The following ZIM2 variants were observed in gnomAD, a reference collection of about 807,000 sequenced individuals.
ZIM2 encodes zinc finger protein 656.
In ZIM2, 14 loss-of-function variants were observed where a neutral mutation model predicts 38.6. That is an observed-to-expected ratio of 0.36 (90% CI 0.24 to 0.57). ZIM2 has a LOEUF of 0.57. ZIM2 is among the 20% of genes least tolerant of loss of function. ZIM2 has a pLI of 0.81. For synonymous variants in ZIM2, 247 were observed against 245.8 expected, an observed-to-expected ratio of 1.00 and a Z score of -0.04; for missense variants, 680 against 695.1, an observed-to-expected ratio of 0.98 and a Z score of 0.24.
intron 9 of ZIM2, chr19:56,811,008 T>C (rs1037955611): frequency 3.2e-5 from 31 of 976,024 alleles, no homozygotes; most frequent in Non-Finnish European, 3.5e-5. Context: ...TGAATATACA[T>C]TTTGACACAG....
At chr19:56,807,110 T>C (rs565347107) in intron 9 of ZIM2, among the ~76,000 whole-genome samples, 6 of 152,314 alleles carry the variant, frequency 3.9e-5, no homozygotes, top group East Asian at 1.9e-4. Context: ...CCATCAATTA[T>C]TGAATGAATT....
chr19:56,810,454 C>T lies in ZIM2; in HGVS notation c.490+7292G>A, dbSNP rs913412120. ...CATTTATGCATACTTATCACTAACA[C>T]CCTAATAATCACAGACTAGTGCACA... On this transcript the variant is annotated intron_variant, in intron 9 of 12. Coordinates refer to ENST00000629319, the MANE Select transcript of ZIM2 (RefSeq NM_001387356.1). 45 of 984,288 alleles carry T rather than the reference C, an allele frequency of 4.6e-5. No homozygotes were observed. The African/African-American group carries it at 7.7e-4, about 17-fold the overall frequency. The allele number at this position is 984,288 out of a possible 1,614,324, so 61.0% of individuals were successfully genotyped here.
rs374619574 is a variant in ZIM2, at chr19:56,801,937, A to T, written c.491-11986T>A. The stretch of plus-strand genomic sequence containing the variant: ...CAGCTGGATAACTCACAGGATACCT[A>T]TCCATAAAGTACCACAGCTGAAGAG... On this transcript the variant is annotated intron_variant, in intron 9 of 12. Coordinates refer to ENST00000629319, the MANE Select transcript of ZIM2 (RefSeq NM_001387356.1). 1.3e-3 allele frequency among the ~76,000 whole-genome samples: 198 copies of T among 152,304 alleles called. 2 individuals are homozygous for T. The highest frequency in any genetic ancestry group is 4.3e-3 in the African/African-American group (177 of 41,564).
chr19:56,782,510 A>G (rs911592620), intron 10 of ZIM2: 4 of 449,886 alleles, frequency 8.9e-6, no homozygotes, highest in Non-Finnish European at 1.8e-5. Flanking sequence ...GAAATATTCA[A>G]TCTTGTTAAT....
chr19:56,834,938 T>C (rs2061941261), intron 2 of ZIM2, among the ~76,000 whole-genome samples: 1 of 152,134 alleles, frequency 6.6e-6, no homozygotes, highest in Non-Finnish European at 1.5e-5. Flanking sequence ...TATCAATGCT[T>C]GCTAACAAAT....
intron 9 of ZIM2, among the ~76,000 whole-genome samples, chr19:56,801,444 TC>T: frequency 6.6e-6 from 1 of 152,224 alleles, no homozygotes; most frequent in East Asian, 1.9e-4. Flanking sequence ...TGATGCCCCT[TC>T]CAGCAGATCC....
chr19:56,795,984 AGT>A (rs1425276826), intron 9 of ZIM2, among the ~76,000 whole-genome samples: 7 of 152,362 alleles, frequency 4.6e-5, no homozygotes, highest in African/African-American at 1.2e-4. Flanking sequence ...AATAAGCGGT[AGT>A]CAGTGAAAAC....
chr19:56,800,590 G>A (rs1007481476), intron 9 of ZIM2, among the ~76,000 whole-genome samples: 1 of 151,972 alleles, frequency 6.6e-6, no homozygotes, highest in Admixed American at 6.6e-5. Flanking sequence ...AAGGTAGAAA[G>A]GAACCAGTAA....
intron 12 of ZIM2, among the ~76,000 whole-genome samples, chr19:56,778,565 T>C (rs1290558698): frequency 1.3e-5 from 2 of 152,214 alleles, no homozygotes; most frequent in Non-Finnish European, 2.9e-5. Context: ...GCTCCTTTTT[T>C]GTACAGGAAC....
In ZIM2 at chr19:56,806,330, C is replaced by T. The variant is rs533810596; in HGVS notation, c.490+11416G>A. Among the ~76,000 whole-genome samples, 113 of 152,310 alleles carry T rather than the reference C, an allele frequency of 7.4e-4. 1 individual carries two copies. The highest frequency in any genetic ancestry group is 2.5e-3 in the African/African-American group (105 of 41,560). On this transcript the variant is annotated intron_variant, in intron 9 of 12. Coordinates refer to ENST00000629319, the MANE Select transcript of ZIM2 (RefSeq NM_001387356.1). ...TCAGACATAAGCTCTTATCTCATTA[C>T]TCTGACATCTTCAATACATGGCTTC...
intron 12 of ZIM2, among the ~76,000 whole-genome samples, chr19:56,778,124 G>A (rs931374796): frequency 1.3e-5 from 2 of 152,002 alleles, no homozygotes; most frequent in African/African-American, 4.8e-5. Context: ...TTTACGCTCC[G>A]TTATTATTTG....
chr19:56,782,705 ATTC>A lies in ZIM2; in HGVS notation c.571-587_571-585del, dbSNP rs571351101. Among the ~76,000 whole-genome samples, 11 of 152,224 alleles carry A rather than the reference ATTC, an allele frequency of 7.2e-5. No individual in the cohort carries two copies. In the South Asian group the frequency reaches 1.5e-3, roughly 20 times the overall value. On this transcript the variant is annotated intron_variant, in intron 10 of 12. Coordinates refer to ENST00000629319, the MANE Select transcript of ZIM2 (RefSeq NM_001387356.1). ...TTAGAAAATCACTTTTGATCCAGAA[ATTC>A]TTTTTTTAATTTTTAAAAATTTTTG...
Position 56,824,313 on chromosome 19 carries a change from C to T in ZIM2, c.-36G>A, listed in dbSNP as rs2060807614. 6.2e-7 allele frequency: 1 copy of T among 1,613,986 alleles called. No homozygotes were observed. The highest frequency in any genetic ancestry group is 8.5e-7 in the Non-Finnish European group (1 of 1,180,034). ...TTCTCCAGCAGAGTGACGAGCTTCTCACAGTTCTCCGGCTTTTTTGCTCGC... is the reference window on the plus strand; with the variant it reads ...TTCTCCAGCAGAGTGACGAGCTTCTTACAGTTCTCCGGCTTTTTTGCTCGC... On this transcript the variant is annotated 5_prime_UTR_variant, in exon 4 of 13. Transcript: ENST00000629319.
At chr19:56,831,946 C>T (rs1245672698) in intron 2 of ZIM2, among the ~76,000 whole-genome samples, 2 of 152,090 alleles carry the variant, frequency 1.3e-5, no homozygotes, top group African/African-American at 2.4e-5. Context: ...AGATGGAGAC[C>T]TTGAGTGTGA....
chr19:56,813,523 C>CT, intron 9 of ZIM2: 1 of 1,438,376 alleles, frequency 7.0e-7, no homozygotes, highest in East Asian at 2.5e-5. Flanking sequence ...CATTCGGTCT[C>CT]TTTTCAATCT....
chr19:56,833,950 C>G (rs1463960752), intron 2 of ZIM2, among the ~76,000 whole-genome samples: 2 of 152,154 alleles, frequency 1.3e-5, no homozygotes, highest in Admixed American at 1.3e-4. Flanking sequence ...TAGCACTTAC[C>G]ACACTGCAGC....
intron 9 of ZIM2, among the ~76,000 whole-genome samples, chr19:56,790,283 T>C (rs1189353095): frequency 1.3e-5 from 2 of 152,240 alleles, no homozygotes; most frequent in African/African-American, 4.8e-5. Flanking sequence ...GCAGAAATAA[T>C]GACAATACCT....
intron 1 of ZIM2, among the ~76,000 whole-genome samples, chr19:56,839,987 G>C (rs2062800581): frequency 6.6e-6 from 1 of 152,232 alleles, no homozygotes; most frequent in African/African-American, 2.4e-5. Flanking sequence ...CCTACAGGCA[G>C]GACAGCCCTT....
chr19:56,823,672 G>T lies in ZIM2; in HGVS notation c.24C>A (p.Asn8Lys), dbSNP rs771097387. MYQPEDD[N>K]NSDVTSDDDM... ...CGTCGTCGCTGGTCACGTCACTGTT[G>T]TTGTCGTCTAAGAGGACACCGGTCG... Residue 8 changes from asparagine to lysine, a missense_variant, in exon 5 of 13, where the codon AAC becomes AAA. Asn to Lys is a moderately conservative substitution (Grantham distance 94). Transcript: ENST00000629319. 6.2e-7 allele frequency: 1 copy of T among 1,614,152 alleles called. No homozygotes were observed. The highest frequency in any genetic ancestry group is 1.3e-5 in the African/African-American group (1 of 75,026).
Sources: allele counts gnomAD v4.1 joint callset (sites outside exome capture counted in the v4.1 genomes callset), GRCh38; gene constraint gnomAD v4.1.1; transcripts MANE v1.5; gene names NCBI Gene and HGNC (gene_info 2026-07-23, HGNC 2026-07-21).